The following SMOC2 variants were observed in gnomAD, a reference collection of about 807,000 sequenced individuals.
SMOC2 encodes SPARC-related modular calcium-binding protein 2.
In SMOC2, 39 loss-of-function variants were observed where a neutral mutation model predicts 61.4. The ratio of observed to expected loss-of-function variants is 0.64; its 90% CI spans 0.49 to 0.83. The LOEUF (loss-of-function observed/expected upper bound fraction) is 0.83, where lower values mean the gene tolerates loss of function less well. Ranked by LOEUF, SMOC2 falls within the 40% of genes least tolerant of loss-of-function variation. The pLI is 0.00. For synonymous variants in SMOC2, 247 were observed against 239.9 expected (o/e 1.03, Z -0.27); for missense variants, 556 against 592.9 (o/e 0.94, Z 0.65).
chr6:168,556,413 C>T (rs898827071), intron 7 of SMOC2, among the ~76,000 whole-genome samples: 1 of 152,168 alleles, frequency 6.6e-6, no homozygotes, highest in Non-Finnish European at 1.5e-5. Context: ...GCGGCCCCCG[C>T]ACCTCCCCAC....
intron 1 of SMOC2, among the ~76,000 whole-genome samples, chr6:168,450,228 G>A (rs1309470549): frequency 6.6e-6 from 1 of 152,184 alleles, no homozygotes. Flanking sequence ...GAGCAAGAAA[G>A]ATAATGTGAG....
chr6:168,504,077 G>A (rs1782806387), intron 1 of SMOC2, among the ~76,000 whole-genome samples: 1 of 152,032 alleles, frequency 6.6e-6, no homozygotes, highest in Non-Finnish European at 1.5e-5. Flanking sequence ...CATCCTTTCC[G>A]ATTTCTTCCT....
intron 9 of SMOC2, among the ~76,000 whole-genome samples, chr6:168,625,338 C>T (rs1786375613): frequency 6.6e-6 from 1 of 152,188 alleles, no homozygotes; most frequent in South Asian, 2.1e-4. Flanking sequence ...CCAAGGCAGA[C>T]AGCAGCTTCG....
At chr6:168,580,048 T>C (rs2880404) in intron 7 of SMOC2, among the ~76,000 whole-genome samples, 38,759 of 151,562 alleles carry the variant, frequency 0.26, 5,097 homozygotes, top group Middle Eastern at 0.4. Flanking sequence ...CATCAGGGGC[T>C]CTGAGATGCG....
At chr6:168,498,475 G>A (rs182895517) in intron 1 of SMOC2, among the ~76,000 whole-genome samples, 259 of 152,304 alleles carry the variant, frequency 1.7e-3, no homozygotes, top group African/African-American at 6.0e-3. Context: ...GGCTATCAGC[G>A]AATTTGTGAA....
At chr6:168,592,060 C>G (rs1785193997) in intron 7 of SMOC2, among the ~76,000 whole-genome samples, 1 of 152,198 alleles carries the variant, frequency 6.6e-6, no homozygotes, top group Non-Finnish European at 1.5e-5. Flanking sequence ...TTAACAGAAC[C>G]AAGTGTCTCT....
Position 168,625,901 on chromosome 6 carries a change from G to A in SMOC2, c.907+17662G>A, listed in dbSNP as rs565412185. Among the ~76,000 whole-genome samples, 3 of 152,364 alleles carry A rather than the reference G, an allele frequency of 2.0e-5. No homozygotes were observed. In the South Asian group the frequency reaches 6.2e-4, roughly 32 times the overall value. Reference sequence around the variant, plus strand: ...CTAGAGGCGAGGGGCCTCGGAGGAGGAAGCGAATTCCGTGGTTACGTGTTT... The same window carrying A: ...CTAGAGGCGAGGGGCCTCGGAGGAGAAAGCGAATTCCGTGGTTACGTGTTT... On this transcript the variant is annotated intron_variant, in intron 9 of 12. Coordinates refer to ENST00000356284, the MANE Select transcript of SMOC2 (RefSeq NM_001166412.2).
chr6:168,567,006 C>G (rs1784560575), intron 7 of SMOC2, among the ~76,000 whole-genome samples: 1 of 152,144 alleles, frequency 6.6e-6, no homozygotes, highest in Non-Finnish European at 1.5e-5. Context: ...TCTCTCTAAC[C>G]TCGCATTTTT....
At chr6:168,661,999 C>T (rs1787520443) in intron 11 of SMOC2, among the ~76,000 whole-genome samples, 1 of 152,194 alleles carries the variant, frequency 6.6e-6, no homozygotes, top group Non-Finnish European at 1.5e-5. Flanking sequence ...CCTTTTCATA[C>T]TCTGTTTCTA....
rs1382427242 is a variant in SMOC2, at chr6:168,605,968, G to A, written c.825-2189G>A. On this transcript the variant is annotated intron_variant, in intron 8 of 12. Coordinates refer to ENST00000356284, the MANE Select transcript of SMOC2 (RefSeq NM_001166412.2). ...GGCAGCTCCCCCTTCATAAGCCCTC[G>A]GGCAGGAAGGGTCCATTCTAATGTA... Among the ~76,000 whole-genome samples the A allele has an allele frequency of 2.6e-5, 4 of 152,114 alleles. No individual in the cohort carries two copies. The East Asian group carries it at 5.8e-4, about 22-fold the overall frequency.
At position 168,509,953 on chromosome 6, in the gene SMOC2, C is replaced by T. The variant is rs1477144704; in HGVS notation, c.123C>T (p.Ser41=). ...RVDQDKDKDC[S]LDCAGSPQKP... Reference sequence around the variant, plus strand: ...ATCAAGATAAAGACAAGGATTGTAGCTTGGACTGTGCGGGTTCGCCCCAGA... The same window carrying T: ...ATCAAGATAAAGACAAGGATTGTAGTTTGGACTGTGCGGGTTCGCCCCAGA... The change falls in exon 2 of 13, where the codon AGC becomes AGT. Residue 41 remains serine, a synonymous_variant. Coordinates refer to ENST00000356284, the MANE Select transcript of SMOC2 (RefSeq NM_001166412.2). 3 of 1,613,950 alleles carry T rather than the reference C, an allele frequency of 1.9e-6. No homozygotes were observed. In the South Asian group the frequency reaches 3.3e-5, roughly 18 times the overall value.
chr6:168,490,923 G>A (rs2115032512), intron 1 of SMOC2, among the ~76,000 whole-genome samples: 1 of 152,328 alleles, frequency 6.6e-6, no homozygotes, highest in African/African-American at 2.4e-5. Context: ...GACACGGCAG[G>A]GCAGCTGGGG....
intron 4 of SMOC2, among the ~76,000 whole-genome samples, chr6:168,532,120 C>A (rs1265389112): frequency 4.6e-5 from 7 of 152,194 alleles, no homozygotes; most frequent in Non-Finnish European, 7.3e-5. Context: ...TGATGTCGAC[C>A]TGTGGGATCT....
At chr6:168,463,627 G>A (rs1355106603) in intron 1 of SMOC2, among the ~76,000 whole-genome samples, 3 of 152,112 alleles carry the variant, frequency 2.0e-5, no homozygotes, top group African/African-American at 7.2e-5. Context: ...GAAGAGTAAG[G>A]TGCGGCTGGG....
chr6:168,554,132 G>C (rs938250940), intron 7 of SMOC2, among the ~76,000 whole-genome samples: 2 of 151,404 alleles, frequency 1.3e-5, no homozygotes, highest in Admixed American at 1.3e-4. Context: ...TTTGAACTGC[G>C]TGTGCTGTGC....
intron 1 of SMOC2, among the ~76,000 whole-genome samples, chr6:168,504,013 T>C (rs141232676): frequency 6.6e-6 from 1 of 152,152 alleles, no homozygotes; most frequent in Non-Finnish European, 1.5e-5. Flanking sequence ...TGCCAGCACA[T>C]TGATTTGAGA....
intron 1 of SMOC2, among the ~76,000 whole-genome samples, chr6:168,443,157 T>C (rs1781254299): frequency 6.6e-6 from 1 of 152,204 alleles, no homozygotes; most frequent in South Asian, 2.1e-4. Flanking sequence ...TTTCAGATTT[T>C]CTGAAAGCGC....
intron 1 of SMOC2, among the ~76,000 whole-genome samples, chr6:168,474,067 T>G (rs1449518931): frequency 6.6e-6 from 1 of 152,074 alleles, no homozygotes. Flanking sequence ...GAGGGCTCAG[T>G]GTAGTGGTGG....
rs894982351 is a variant in SMOC2, at chr6:168,452,902, ACT to A, written c.84+11451_84+11452del. On this transcript the variant is annotated intron_variant, in intron 1 of 12. Transcript: ENST00000356284. The surrounding 1 kb of genome is among the most constrained non-coding windows in gnomAD (Gnocchi z 5.0). ...GACACGAGGCTGACTCCCAGGCCAC[ACT>A]CTGTCAATTTCTGGGGCTTCCTCTG... Among the ~76,000 whole-genome samples the A allele has an allele frequency of 3.3e-5, 5 of 152,128 alleles. No homozygotes were observed. Among genetic ancestry groups the A allele is most frequent in the Non-Finnish European group, 7.3e-5 (5 of 68,028 alleles).
Sources: gnomAD v4.1 joint callset for allele counts (sites outside exome capture counted in the v4.1 genomes callset) on GRCh38, gnomAD v4.1.1 for gene constraint, Gnocchi (gnomAD v3.1) non-coding constraint, MANE v1.5 for transcripts, NCBI Gene and HGNC (gene_info 2026-07-23, HGNC 2026-07-21) for gene names.